Variants in SHISA9 observed in about 807,000 individuals in gnomAD.
The protein encoded by SHISA9 is shisa family member 9.
In SHISA9, 13 loss-of-function variants were observed where a neutral mutation model predicts 38.0. The observed-to-expected ratio is 0.34, with a 90% CI of 0.22 to 0.54. The LOEUF (loss-of-function observed/expected upper bound fraction) is 0.54, where lower values mean the gene tolerates loss of function less well. SHISA9 is among the 20% of genes least tolerant of loss of function. The pLI is 0.91. For synonymous variants in SHISA9, 275 were observed against 242.0 expected, an observed-to-expected ratio of 1.14 and a Z score of -1.27; for missense variants, 538 against 575.8, an observed-to-expected ratio of 0.93 and a Z score of 0.67.
At chr16:13,147,940 G>A (rs2050461956) in intron 2 of SHISA9, among the ~76,000 whole-genome samples, 3 of 152,200 alleles carry the variant, frequency 2.0e-5, no homozygotes, top group Admixed American at 2.0e-4. Flanking sequence ...TTTGTGCCCA[G>A]TAAAAGGGAT....
chr16:13,362,839 G>GT, the SHISA9 span, among the ~76,000 whole-genome samples: 2 of 151,836 alleles, frequency 1.3e-5, no homozygotes, highest in Admixed American at 1.3e-4. Context: ...TCATTGCCTT[G>GT]TTTTTTTCAA....
intron 2 of SHISA9, among the ~76,000 whole-genome samples, chr16:12,970,324 T>TAC (rs1567356701): frequency 1.3e-5 from 1 of 75,052 alleles, no homozygotes; most frequent in Non-Finnish European, 2.5e-5. Flanking sequence ...GGGGTATATA[T>TAC]ACATATATAT....
chr16:13,435,317 C>G, the SHISA9 span, among the ~76,000 whole-genome samples: 2 of 151,932 alleles, frequency 1.3e-5, no homozygotes, highest in Non-Finnish European at 2.9e-5. Context: ...AGCAAGAACT[C>G]TCCCCACAAG....
chr16:13,194,755 A>T (rs1567242908), intron 2 of SHISA9, among the ~76,000 whole-genome samples: 1 of 152,262 alleles, frequency 6.6e-6, no homozygotes, highest in South Asian at 2.1e-4. Context: ...AAACTTAAAA[A>T]ATACATAGTC....
intron 2 of SHISA9, among the ~76,000 whole-genome samples, chr16:12,920,184 G>C (rs545699038): frequency 1.3e-4 from 20 of 148,976 alleles, no homozygotes; most frequent in African/African-American, 4.9e-4. Context: ...GGTACGGGGA[G>C]GGGGGAGGGA....
the SHISA9 span, among the ~76,000 whole-genome samples, chr16:13,499,418 T>C: frequency 6.6e-6 from 1 of 152,082 alleles, no homozygotes; most frequent in Admixed American, 6.5e-5. Context: ...TTATTTAAGA[T>C]TAAATGAGAG....
the SHISA9 span, among the ~76,000 whole-genome samples, chr16:13,256,516 G>T: frequency 1.3e-5 from 2 of 152,184 alleles, no homozygotes; most frequent in Non-Finnish European, 2.9e-5. Context: ...CCAACCTCAG[G>T]TGATCCGCCC....
At chr16:13,049,196 G>GTGTGTGTGTT (rs1470308261) in intron 2 of SHISA9, among the ~76,000 whole-genome samples, 3 of 145,676 alleles carry the variant, frequency 2.1e-5, no homozygotes, top group South Asian at 2.2e-4. Flanking sequence ...GTGTGTGTGT[G>GTGTGTGTGTT]TGTGTGTGTA....
chr16:13,260,012 T>C, the SHISA9 span, among the ~76,000 whole-genome samples: 1 of 103,416 alleles, frequency 9.7e-6, no homozygotes. Context: ...TCTTTCTTTT[T>C]TTTTTTTTTT....
At chr16:13,474,676 A>T in the SHISA9 span, among the ~76,000 whole-genome samples, 1 of 152,250 alleles carries the variant, frequency 6.6e-6, no homozygotes, top group Non-Finnish European at 1.5e-5. Flanking sequence ...TTATTAAATC[A>T]TCTGATGTGA....
the SHISA9 span, among the ~76,000 whole-genome samples, chr16:13,484,717 A>G: frequency 6.6e-6 from 1 of 152,190 alleles, no homozygotes; most frequent in South Asian, 2.1e-4. Context: ...ACTTACAATC[A>G]TGGTGGAAGG....
chr16:13,310,535 A>G, the SHISA9 span, among the ~76,000 whole-genome samples: 33 of 152,162 alleles, frequency 2.2e-4, no homozygotes, highest in African/African-American at 8.0e-4. Flanking sequence ...TTCTAAGTCA[A>G]TAAGGTTAGG....
chr16:13,217,194 C>T (rs1213131902), intron 4 of SHISA9, among the ~76,000 whole-genome samples: 3 of 151,910 alleles, frequency 2.0e-5, no homozygotes, highest in Admixed American at 1.3e-4. Flanking sequence ...AGGAGAATGG[C>T]GCGAACCCGG....
intron 2 of SHISA9, among the ~76,000 whole-genome samples, chr16:13,001,850 G>T (rs976467460): frequency 9.9e-5 from 15 of 152,228 alleles, no homozygotes; most frequent in East Asian, 3.9e-4. Flanking sequence ...AATCAATATG[G>T]GTTGATGAGT....
chr16:13,271,941 T>C, the SHISA9 span, among the ~76,000 whole-genome samples: 1 of 152,000 alleles, frequency 6.6e-6, no homozygotes, highest in Non-Finnish European at 1.5e-5. Context: ...TAGCCGGGCA[T>C]GGTAGCAGGC....
In SHISA9 at chr16:12,935,962, G is replaced by A. The variant is rs184105787; in HGVS notation, c.691+19147G>A. 2.3e-4 allele frequency among the ~76,000 whole-genome samples: 35 copies of A among 152,194 alleles called. 1 individual carries two copies. The highest frequency in any genetic ancestry group is 1.6e-3 in the Admixed American group (24 of 15,278). On this transcript the variant is annotated intron_variant, in intron 2 of 4. Coordinates refer to ENST00000558583, the MANE Select transcript of SHISA9 (RefSeq NM_001145204.3). Reference sequence around the variant, plus strand: ...GAACGTGTTCTCAGAAGGCTACTGAGGCAGGTGGAAAGGAACTAGCCTTAC... The same window carrying A: ...GAACGTGTTCTCAGAAGGCTACTGAAGCAGGTGGAAAGGAACTAGCCTTAC...
the SHISA9 span, among the ~76,000 whole-genome samples, chr16:13,299,608 G>C: frequency 6.6e-6 from 1 of 152,010 alleles, no homozygotes; most frequent in South Asian, 2.1e-4. Context: ...CAGCTACGTG[G>C]GAGGCTGAGG....
chr16:13,339,300 C>T, the SHISA9 span, among the ~76,000 whole-genome samples: 1 of 151,026 alleles, frequency 6.6e-6, no homozygotes, highest in Non-Finnish European at 1.5e-5. Context: ...TTACAAGGGT[C>T]CTAAAGTTCA....
At chr16:13,379,514 C>T in the SHISA9 span, among the ~76,000 whole-genome samples, 2 of 152,318 alleles carry the variant, frequency 1.3e-5, no homozygotes, top group South Asian at 2.1e-4. Flanking sequence ...CTTCTAGGCA[C>T]TGGAGGAGGA....
Sources: allele counts gnomAD v4.1 joint callset (sites outside exome capture counted in the v4.1 genomes callset), GRCh38; gene constraint gnomAD v4.1.1; transcripts MANE v1.5; gene names NCBI Gene and HGNC (gene_info 2026-07-23, HGNC 2026-07-21).